Variants in SLC24A3 observed in about 807,000 individuals in gnomAD.
SLC24A3 encodes the protein sodium/potassium/calcium exchanger 3.
SLC24A3 carries 28 observed loss-of-function variants against 75.8 expected under a neutral mutation model. That is an observed-to-expected ratio of 0.37 (90% CI 0.27 to 0.51). The LOEUF (loss-of-function observed/expected upper bound fraction) is 0.51. Among genes scored for constraint, SLC24A3 ranks in the 20% least tolerant of loss-of-function variants. The probability of loss-of-function intolerance (pLI) is 0.94; values close to 1 mark genes in which losing one functional copy is unlikely to be tolerated. For synonymous variants in SLC24A3, 372 were observed against 334.1 expected (o/e 1.11, Z -1.24); for missense variants, 663 against 847.8 (o/e 0.78, Z 2.71).
At chr20:19,654,230 C>T (rs1356471547) in intron 7 of SLC24A3, 94 bp downstream of exon 7, 4 of 1,162,240 alleles carry the variant, frequency 3.4e-6, no homozygotes, top group Middle Eastern at 2.2e-4. Context: ...CTCGAGGTCA[C>T]CGGTGGCGAG....
At chr20:19,297,267 C>T (rs922863041) in intron 2 of SLC24A3, among the ~76,000 whole-genome samples, 1 of 152,152 alleles carries the variant, frequency 6.6e-6, no homozygotes, top group Non-Finnish European at 1.5e-5. Context: ...TCACTTTTTA[C>T]CCTTCTACTT....
At chr20:19,346,171 G>T (rs1472267270) in intron 2 of SLC24A3, among the ~76,000 whole-genome samples, 2 of 61,898 alleles carry the variant, frequency 3.2e-5, no homozygotes, top group South Asian at 4.3e-4. Context: ...TATATATATG[G>T]TATATATATA....
rs539048823 is a variant in SLC24A3, at chr20:19,529,525, G to A, written c.348+13961G>A. Among the ~76,000 whole-genome samples, 88 of 152,242 alleles carry A rather than the reference G, an allele frequency of 5.8e-4. No individual in the cohort carries two copies. In the Middle Eastern group the frequency reaches 0.01, roughly 18 times the overall value. ...CACAAGCATGGCCCTTGATCAGGCC[G>A]CTGCCCATGGCAAGAGCTCACTGAT... On this transcript the variant is annotated intron_variant, in intron 3 of 16. Transcript: ENST00000328041.
intron 3 of SLC24A3, among the ~76,000 whole-genome samples, chr20:19,543,962 T>C (rs2030546038): frequency 6.6e-6 from 1 of 152,206 alleles, no homozygotes; most frequent in Non-Finnish European, 1.5e-5. Flanking sequence ...CCTGTGATTT[T>C]GCCTTTATCC....
At chr20:19,345,757 G>A (rs530004974) in intron 2 of SLC24A3, among the ~76,000 whole-genome samples, 26 of 152,012 alleles carry the variant, frequency 1.7e-4, no homozygotes, top group Admixed American at 7.2e-4. Flanking sequence ...CACTCCTGCA[G>A]GAATGACCAT....
At chr20:19,274,177 T>G (rs1297801771) in intron 1 of SLC24A3, among the ~76,000 whole-genome samples, 1 of 150,730 alleles carries the variant, frequency 6.6e-6, no homozygotes, top group African/African-American at 2.4e-5. Flanking sequence ...AGTGTAAGAG[T>G]TGATGCCTGT....
chr20:19,333,547 A>G (rs973433270), intron 2 of SLC24A3, among the ~76,000 whole-genome samples: 1 of 152,138 alleles, frequency 6.6e-6, no homozygotes, highest in African/African-American at 2.4e-5. Flanking sequence ...GAAATTTTTT[A>G]AAAGAATACA....
At chr20:19,220,823 G>A (rs548875446) in intron 1 of SLC24A3, among the ~76,000 whole-genome samples, 2 of 152,202 alleles carry the variant, frequency 1.3e-5, no homozygotes, top group East Asian at 3.9e-4. Context: ...CTGGGCATTG[G>A]GATTTTATAA....
chr20:19,290,452 T>C (rs1001036503), intron 2 of SLC24A3, among the ~76,000 whole-genome samples: 1 of 152,158 alleles, frequency 6.6e-6, no homozygotes, highest in Non-Finnish European at 1.5e-5. Context: ...CCCTCAGGAA[T>C]AGGATTTAGT....
chr20:19,613,185 C>A (rs1162473550), intron 6 of SLC24A3, among the ~76,000 whole-genome samples: 3 of 152,200 alleles, frequency 2.0e-5, no homozygotes, highest in Non-Finnish European at 2.9e-5. Context: ...TCCTATGTAT[C>A]ATCATGAACA....
Position 19,584,249 on chromosome 20 carries a change from G to C in SLC24A3, c.424-722G>C, listed in dbSNP as rs536108348. Among the ~76,000 whole-genome samples, 5 of 152,282 alleles carry C rather than the reference G, an allele frequency of 3.3e-5. No homozygotes were observed. The South Asian group carries it at 1.0e-3, about 32-fold the overall frequency. ...ATTGTATAAACCCCGTCTTGGCAGG[G>C]CTGATGCCTCATTACCTTCTTTTCA... On this transcript the variant is annotated intron_variant, in intron 4 of 16. Coordinates refer to ENST00000328041, the MANE Select transcript of SLC24A3 (RefSeq NM_020689.4).
rs755394643 is a variant in SLC24A3, at chr20:19,585,367, G to A, written c.509-74G>A. 1.8e-4 allele frequency: 247 copies of A among 1,397,836 alleles called. 1 individual carries two copies. In the Middle Eastern group the frequency reaches 2.4e-3, roughly 13 times the overall value. 86.6% of individuals were successfully genotyped at this position (1,397,836 alleles called of 1,614,324 possible). A position where few individuals can be genotyped will look rare whatever the true frequency, so the allele number is the denominator to read the frequency against. ...ATTCTGAGAACAATCTAATGCTTAT[G>A]AAAGGTTCCCCATGCCCACCTTGGA... On this transcript the variant is annotated intron_variant, in intron 5 of 16. Transcript: ENST00000328041.
In SLC24A3 at chr20:19,274,480, A is replaced by G. The variant is rs976297020; in HGVS notation, c.143-6479A>G. On this transcript the variant is annotated intron_variant, in intron 1 of 16. Coordinates refer to ENST00000328041, the MANE Select transcript of SLC24A3 (RefSeq NM_020689.4). ...GGGTTAGGAGAGGTCTGTTTGGGGG[A>G]TGTGTGGCCCTGTTAGCCTCCAGCA... 4.0e-5 allele frequency among the ~76,000 whole-genome samples: 6 copies of G among 151,560 alleles called. No individual in the cohort carries two copies. In the East Asian group the frequency reaches 5.9e-4, roughly 15 times the overall value.
At chr20:19,417,958 G>T (rs913798523) in intron 2 of SLC24A3, among the ~76,000 whole-genome samples, 1 of 152,178 alleles carries the variant, frequency 6.6e-6, no homozygotes, top group African/African-American at 2.4e-5. Flanking sequence ...AAACCAATCT[G>T]CTCAAAACAA....
intron 3 of SLC24A3, among the ~76,000 whole-genome samples, chr20:19,578,652 A>G (rs1183644494): frequency 6.6e-6 from 1 of 151,996 alleles, no homozygotes; most frequent in Non-Finnish European, 1.5e-5. Flanking sequence ...CCTGAGGAGC[A>G]CTTCTCAAAA....
chr20:19,620,729 T>G (rs1375730256), intron 6 of SLC24A3, among the ~76,000 whole-genome samples: 1 of 152,186 alleles, frequency 6.6e-6, no homozygotes, highest in Non-Finnish European at 1.5e-5. Flanking sequence ...GAATTTGAGC[T>G]TCTGTCCTGG....
Position 19,717,599 on chromosome 20 carries a change from T to C in SLC24A3, c.1785+6T>C, listed in dbSNP as rs1311021169. ...TGGCCTCTGTTTTTGTCACGGTAGG[T>C]TGGCAGCTCTCTCCTCGTACTTGTG... On this transcript the variant is annotated splice_donor_region_variant and intron_variant, in intron 16 of 16. Coordinates refer to ENST00000328041, the MANE Select transcript of SLC24A3 (RefSeq NM_020689.4). 1 of 1,613,654 alleles carries C rather than the reference T, an allele frequency of 6.2e-7. No homozygotes were observed. The highest frequency in any genetic ancestry group is 8.5e-7 in the Non-Finnish European group (1 of 1,179,572).
intron 2 of SLC24A3, among the ~76,000 whole-genome samples, chr20:19,426,444 G>C (rs1987008195): frequency 6.6e-6 from 1 of 151,980 alleles, no homozygotes; most frequent in African/African-American, 2.4e-5. Context: ...ACAACTTTAG[G>C]CTTGTTTATC....
intron 8 of SLC24A3, among the ~76,000 whole-genome samples, chr20:19,671,746 A>G (rs1273170603): frequency 2.0e-5 from 3 of 152,132 alleles, no homozygotes; most frequent in South Asian, 2.1e-4. Context: ...GCAGAGGCCA[A>G]ATATATGAAT....
Sources: allele counts gnomAD v4.1 joint callset (sites outside exome capture counted in the v4.1 genomes callset), GRCh38; gene constraint gnomAD v4.1.1; transcripts MANE v1.5; gene names NCBI Gene and HGNC (gene_info 2026-07-23, HGNC 2026-07-21).